The following KCNMA1 variants were observed in gnomAD, a reference collection of about 807,000 sequenced individuals.
KCNMA1 encodes the protein Calcium-activated potassium channel subunit alpha-1.
In KCNMA1, 29 loss-of-function variants were observed where a neutral mutation model predicts 140.0. That is an observed-to-expected ratio of 0.21 (90% CI 0.15 to 0.28). The LOEUF is 0.28. KCNMA1 is among the 10% of genes least tolerant of loss of function. The pLI is 1.00. For missense variants in KCNMA1, 880 were observed against 1,602.2 expected (o/e 0.55, Z 7.70); for synonymous variants, 612 against 611.9 (o/e 1.00, Z 0.00).
chr10:77,460,475 A>C (rs114027032), intron 1 of KCNMA1, among the ~76,000 whole-genome samples: 264 of 152,282 alleles, frequency 1.7e-3, no homozygotes, highest in African/African-American at 6.2e-3. Flanking sequence ...AAGTCGTGGA[A>C]TCAACCTAAG....
chr10:77,568,320 A>G (rs1481554170), intron 1 of KCNMA1, among the ~76,000 whole-genome samples: 2 of 152,220 alleles, frequency 1.3e-5, no homozygotes, highest in Admixed American at 1.3e-4. Flanking sequence ...ATGAACATTG[A>G]TGCAAAAATC....
chr10:76,884,060 C>G, downstream of KCNMA1: 3 of 810,526 alleles, frequency 3.7e-6, no homozygotes, highest in Non-Finnish European at 4.5e-6. Context: ...ATAGTCTGTT[C>G]CCATTCCATT....
At chr10:76,976,015 C>T (rs191774022) in intron 19 of KCNMA1, among the ~76,000 whole-genome samples, 70 of 152,314 alleles carry the variant, frequency 4.6e-4, no homozygotes, top group African/African-American at 1.6e-3. Context: ...CAAACAACCA[C>T]ATTATCATAT....
At chr10:77,619,580 G>A (rs1404583369) in intron 1 of KCNMA1, among the ~76,000 whole-genome samples, 4 of 152,084 alleles carry the variant, frequency 2.6e-5, no homozygotes, top group East Asian at 1.9e-4. Context: ...GTGAGGAGTC[G>A]TGGTTCACTG....
intron 2 of KCNMA1, among the ~76,000 whole-genome samples, chr10:77,294,810 T>C (rs906104329): frequency 6.6e-6 from 1 of 151,860 alleles, no homozygotes; most frequent in African/African-American, 2.4e-5. Flanking sequence ...TCCCCTCTAC[T>C]TGGGAGGCTG....
rs761629644 is a variant in KCNMA1 at position 77,235,662 on chromosome 10, T to C, written c.602+15533A>G. Among the ~76,000 whole-genome samples the C allele has an allele frequency of 2.6e-5, 4 of 152,216 alleles. No individual in the cohort carries two copies. In the East Asian group the frequency reaches 7.7e-4, roughly 29 times the overall value. ...CCAAGGGAAGGAATAAATCGCTTCG[T>C]TTTCAACAGGGATTTTGTTGACATT... On this transcript the variant is annotated intron_variant, in intron 3 of 27. Transcript: ENST00000286628.
intron 16 of KCNMA1, among the ~76,000 whole-genome samples, chr10:77,026,892 C>T (rs1032851524): frequency 5.9e-5 from 9 of 152,128 alleles, no homozygotes; most frequent in African/African-American, 1.7e-4. Context: ...TAAAAGGAAA[C>T]GTCTAGTCTT....
At chr10:77,242,941 G>C (rs1340520743) in intron 3 of KCNMA1, among the ~76,000 whole-genome samples, 2 of 122,650 alleles carry the variant, frequency 1.6e-5, no homozygotes, top group Non-Finnish European at 1.8e-5. Flanking sequence ...CACACACACA[G>C]AGTCTTTCTC....
chr10:77,380,232 T>C (rs1290284084), intron 2 of KCNMA1, among the ~76,000 whole-genome samples: 2 of 152,176 alleles, frequency 1.3e-5, no homozygotes, highest in South Asian at 2.1e-4. Flanking sequence ...TGGGTATCAA[T>C]ATAAAGAACA....
chr10:76,942,463 T>C (rs2062778959), intron 23 of KCNMA1, among the ~76,000 whole-genome samples: 1 of 152,188 alleles, frequency 6.6e-6, no homozygotes, highest in African/African-American at 2.4e-5. Context: ...AAGAGTGCCC[T>C]TTTTTTCTTT....
intron 14 of KCNMA1, among the ~76,000 whole-genome samples, chr10:77,040,108 G>A (rs1026337886): frequency 1.1e-4 from 17 of 150,856 alleles, no homozygotes; most frequent in East Asian, 5.9e-4. Flanking sequence ...TTGAACTCCC[G>A]GCCTCAAGTG....
chr10:76,912,573 C>A (rs1210376538), intron 24 of KCNMA1: 1 of 152,220 alleles, frequency 6.6e-6, no homozygotes, highest in Admixed American at 6.5e-5. Context: ...ATTCTCTGAA[C>A]ACAAGGAAGA....
chr10:76,888,949 C>T (rs1300674425), intron 27 of KCNMA1, among the ~76,000 whole-genome samples: 4 of 152,090 alleles, frequency 2.6e-5, no homozygotes, highest in African/African-American at 9.7e-5. Context: ...ATCCCAGCTA[C>T]TCAGGAGGCT....
Position 77,198,772 on chromosome 10 carries a change from T to TGGTA in KCNMA1, c.603-13860_603-13857dup, listed in dbSNP as rs140651738. 9.1e-3 allele frequency among the ~76,000 whole-genome samples: 1,389 copies of TGGTA among 152,206 alleles called. 29 individuals carry two copies. Among genetic ancestry groups the TGGTA allele is most frequent in the African/African-American group, 0.031 (1,306 of 41,528 alleles). ...TGCCTCTTCTGCCTTTTATGATCTC[T>TGGTA]GGTACATTGAACACAACTCAAAAAA... On this transcript the variant is annotated intron_variant, in intron 3 of 27. Transcript: ENST00000286628.
intron 14 of KCNMA1, among the ~76,000 whole-genome samples, chr10:77,054,105 AAATAC>A (rs2095466745): frequency 6.6e-6 from 1 of 152,178 alleles, no homozygotes; most frequent in Non-Finnish European, 1.5e-5. Context: ...TATAGCAGGG[AAATAC>A]TATCTGAGAT....
intron 2 of KCNMA1, among the ~76,000 whole-genome samples, chr10:77,372,658 T>C (rs939461185): frequency 6.6e-6 from 1 of 152,218 alleles, no homozygotes; most frequent in Non-Finnish European, 1.5e-5. Context: ...TGTGATCTTC[T>C]TCCATGCGCT....
intron 3 of KCNMA1, among the ~76,000 whole-genome samples, chr10:77,190,962 A>T (rs2098933631): frequency 2.0e-5 from 3 of 152,136 alleles, no homozygotes; most frequent in African/African-American, 7.2e-5. Flanking sequence ...CACTCTGAAG[A>T]CTCTTAATTA....
rs145484274 is a variant in KCNMA1 at position 76,905,996 on chromosome 10, A to G, written c.3147+3970T>C. On this transcript the variant is annotated intron_variant, in intron 25 of 27. Transcript: ENST00000286628. ...TCTAATCGCTTTACAACCTTTACCC[A>G]TTTACTCATCTCTGCAACCCTGTGA... Among the ~76,000 whole-genome samples, 185 of 152,280 alleles carry G rather than the reference A, an allele frequency of 1.2e-3. 1 individual carries two copies. In the Middle Eastern group the frequency reaches 0.02, roughly 17 times the overall value.
intron 20 of KCNMA1, among the ~76,000 whole-genome samples, chr10:76,954,707 T>TGAGA (rs1707279440): frequency 6.6e-6 from 1 of 152,190 alleles, no homozygotes; most frequent in Admixed American, 6.5e-5. Flanking sequence ...ATATCTTAGA[T>TGAGA]GAGAGCCTCA....
Sources: allele counts gnomAD v4.1 joint callset (sites outside exome capture counted in the v4.1 genomes callset), GRCh38; gene constraint gnomAD v4.1.1; transcripts MANE v1.5; gene names NCBI Gene and HGNC (gene_info 2026-07-23, HGNC 2026-07-21).